Variants in ADGRL3 observed in about 807,000 individuals in gnomAD.
ADGRL3 encodes the protein calcium-independent alpha-latrotoxin receptor 3.
Under a neutral mutation model 153.5 loss-of-function variants are expected in ADGRL3, and 62 were observed. The observed-to-expected ratio is 0.40, with a 90% CI of 0.33 to 0.50. The LOEUF is 0.50. ADGRL3 is among the 20% of genes least tolerant of loss of function. The pLI, the probability that ADGRL3 is intolerant of heterozygous loss-of-function variation, is 0.47. For synonymous variants in ADGRL3, 710 were observed against 672.5 expected, an observed-to-expected ratio of 1.06 and a Z score of -0.86; for missense variants, 1,641 against 1,859.4, an observed-to-expected ratio of 0.88 and a Z score of 2.16.
rs1350239391 is a variant in ADGRL3 at position 62,028,884 on chromosome 4, A to T, written c.3422+3A>T. The T allele has an allele frequency of 6.2e-7, 1 of 1,605,048 alleles. No homozygotes were observed. The highest frequency in any genetic ancestry group is 1.3e-5 in the African/African-American group (1 of 74,644). On this transcript the variant is annotated splice_donor_region_variant and intron_variant, in intron 22 of 26. Coordinates refer to ENST00000683033, the MANE Select transcript of ADGRL3 (RefSeq NM_001387552.1). Reference sequence around the variant, plus strand: ...GAGGATAACAGACCCTTCATCAAGTAAGAATGACCTGAATGGCTGATAAAT... The same window carrying T: ...GAGGATAACAGACCCTTCATCAAGTTAGAATGACCTGAATGGCTGATAAAT...
rs57534384 is a variant in ADGRL3, at chr4:61,373,638, C to A, written c.-239-9486C>A. Among the ~76,000 whole-genome samples, 801 of 152,206 alleles carry A rather than the reference C, an allele frequency of 5.3e-3. 50 individuals are homozygous for A. The East Asian group carries it at 0.14, about 27-fold the overall frequency. On this transcript the variant is annotated intron_variant, in intron 1 of 26. Coordinates refer to ENST00000683033, the MANE Select transcript of ADGRL3 (RefSeq NM_001387552.1). ...ATGCAATACTTTAATTCAGATAAAT[C>A]ATTTTCATAGTTTGCTGTTCTTTGA... is the stretch of plus-strand genomic sequence containing the variant.
chr4:62,058,500 T>C (rs4143483), intron 25 of ADGRL3, among the ~76,000 whole-genome samples: 152,190 of 152,296 alleles, frequency 1, 76,042 homozygotes, highest in Non-Finnish European at 1. Flanking sequence ...GTTCTAGGGA[T>C]TATTTAGACA....
chr4:61,352,546 G>C (rs568272698), intron 1 of ADGRL3, among the ~76,000 whole-genome samples: 9 of 151,938 alleles, frequency 5.9e-5, no homozygotes, highest in African/African-American at 1.9e-4. Flanking sequence ...CACCACCCCT[G>C]GCTAATTTTT....
intron 5 of ADGRL3, among the ~76,000 whole-genome samples, chr4:61,600,398 C>G (rs1222616030): frequency 6.6e-6 from 1 of 150,692 alleles, no homozygotes. Flanking sequence ...TCCTGGAGCT[C>G]CAAAATTATG....
intron 1 of ADGRL3, among the ~76,000 whole-genome samples, chr4:61,226,043 C>T (rs1489384009): frequency 1.3e-5 from 2 of 152,158 alleles, no homozygotes; most frequent in African/African-American, 4.8e-5. Context: ...ATCTTTGTCT[C>T]CCCCAAAATT....
chr4:61,328,969 A>G (rs2095518311), intron 1 of ADGRL3, among the ~76,000 whole-genome samples: 1 of 152,092 alleles, frequency 6.6e-6, no homozygotes, highest in Non-Finnish European at 1.5e-5. Flanking sequence ...CTTGATTACT[A>G]TCTCTGTTAG....
At chr4:61,772,241 C>A (rs1415632550) in intron 8 of ADGRL3, among the ~76,000 whole-genome samples, 1 of 152,128 alleles carries the variant, frequency 6.6e-6, no homozygotes, top group Non-Finnish European at 1.5e-5. Context: ...GAAAAAAAAT[C>A]TTACCTTCCC....
At chr4:61,326,084 A>G (rs2150867687) in intron 1 of ADGRL3, among the ~76,000 whole-genome samples, 1 of 152,300 alleles carries the variant, frequency 6.6e-6, no homozygotes, top group East Asian at 1.9e-4. Context: ...TTTAACTCAA[A>G]TAAAATCTGA....
chr4:61,412,024 C>T (rs577412834), intron 2 of ADGRL3, among the ~76,000 whole-genome samples: 2 of 152,238 alleles, frequency 1.3e-5, no homozygotes, highest in Non-Finnish European at 2.9e-5. Context: ...CATCATTGCT[C>T]ACACCTCTAC....
chr4:61,402,991 G>A (rs554330555), intron 2 of ADGRL3, among the ~76,000 whole-genome samples: 12 of 151,940 alleles, frequency 7.9e-5, no homozygotes, highest in South Asian at 2.1e-4. Context: ...AGTTTCCAGC[G>A]TAGGCCCTCA....
chr4:61,425,643 C>A (rs891367464), intron 2 of ADGRL3, among the ~76,000 whole-genome samples: 1 of 152,342 alleles, frequency 6.6e-6, no homozygotes, highest in South Asian at 2.1e-4. Context: ...CCCATGGTTC[C>A]TTTGGGTCCT....
chr4:61,475,437 C>T (rs565418509), intron 2 of ADGRL3, among the ~76,000 whole-genome samples: 7 of 152,172 alleles, frequency 4.6e-5, no homozygotes, highest in East Asian at 3.9e-4. Context: ...ACTTAGTCCC[C>T]GTGGTCCTAT....
chr4:62,032,460 A>T (rs1480490073), intron 23 of ADGRL3, among the ~76,000 whole-genome samples: 3 of 151,652 alleles, frequency 2.0e-5, no homozygotes, highest in South Asian at 4.1e-4. Context: ...TTCTATTTAA[A>T]AACTTATGTG....
At chr4:61,317,933 T>C (rs150212897) in intron 1 of ADGRL3, among the ~76,000 whole-genome samples, 198 of 152,210 alleles carry the variant, frequency 1.3e-3, no homozygotes, top group African/African-American at 4.7e-3. Flanking sequence ...CCCAGCATTT[T>C]GGGAGGCCAA....
At chr4:61,938,236 T>G (rs2098847473) in intron 15 of ADGRL3, among the ~76,000 whole-genome samples, 1 of 152,124 alleles carries the variant, frequency 6.6e-6, no homozygotes, top group African/African-American at 2.4e-5. Context: ...AAAATTAAAG[T>G]TTTTAATGTC....
chr4:61,658,995 T>C (rs2094518191), intron 5 of ADGRL3, among the ~76,000 whole-genome samples: 1 of 152,180 alleles, frequency 6.6e-6, no homozygotes, highest in Admixed American at 6.6e-5. Flanking sequence ...TAGAAGGTTC[T>C]AGGGAAGAAT....
Position 61,798,999 on chromosome 4 carries a change from GTATATATATATATATA to G in ADGRL3, c.1400-14785_1400-14770del, listed in dbSNP as rs34782885. Reference sequence around the variant, plus strand: ...CATTATTATATATTATATATAAACAGTATATATATATATATATATATATATATATATATATATATAC... The same window carrying G: ...CATTATTATATATTATATATAAACAGTATATATATATATATATATATATAC... On this transcript the variant is annotated intron_variant, in intron 8 of 26. Coordinates refer to ENST00000683033, the MANE Select transcript of ADGRL3 (RefSeq NM_001387552.1). 4.0e-3 allele frequency among the ~76,000 whole-genome samples: 319 copies of G among 80,756 alleles called. 4 individuals are homozygous for G. In the Middle Eastern group the frequency reaches 0.082, roughly 21 times the overall value. The allele number at this position is 80,756 out of a possible 152,430, so 53.0% of individuals were successfully genotyped here.
chr4:61,837,620 G>A (rs747366179), intron 9 of ADGRL3, among the ~76,000 whole-genome samples: 27 of 152,194 alleles, frequency 1.8e-4, no homozygotes, highest in Admixed American at 9.8e-4. Context: ...GTCTCACCCT[G>A]AAATGGGAAT....
intron 1 of ADGRL3, among the ~76,000 whole-genome samples, chr4:61,331,469 A>G (rs2095571794): frequency 1.3e-5 from 2 of 152,140 alleles, no homozygotes; most frequent in Non-Finnish European, 2.9e-5. Context: ...ATTTTTACAC[A>G]GTTTCCTGGT....
Sources: allele counts gnomAD v4.1 joint callset (sites outside exome capture counted in the v4.1 genomes callset), GRCh38; gene constraint gnomAD v4.1.1; transcripts MANE v1.5; gene names NCBI Gene and HGNC (gene_info 2026-07-23, HGNC 2026-07-21).